The following HTR4 variants were observed in gnomAD, a reference collection of about 807,000 sequenced individuals.
HTR4 encodes the protein 5-hydroxytryptamine (serotonin) receptor 4, G protein-coupled.
In HTR4, 16 loss-of-function variants were observed where a neutral mutation model predicts 36.8. The observed-to-expected ratio is 0.43, with a 90% CI of 0.29 to 0.66. The LOEUF (loss-of-function observed/expected upper bound fraction) is 0.66. Ranked by LOEUF, HTR4 falls within the 30% of genes least tolerant of loss-of-function variation. HTR4 has a pLI of 0.13. For synonymous variants in HTR4, 189 were observed against 185.1 expected (o/e 1.02, Z -0.17); for missense variants, 438 against 490.9 (o/e 0.89, Z 1.02).
chr5:148,457,876 T>A (rs1755143088), intron 5 of HTR4, among the ~76,000 whole-genome samples: 1 of 136,704 alleles, frequency 7.3e-6, no homozygotes, highest in Admixed American at 7.4e-5. Context: ...GATATATCAT[T>A]AAAATATTAA....
intron 6 of HTR4, chr5:148,490,981 A>G (rs898317075): frequency 6.0e-5 from 22 of 363,758 alleles, no homozygotes; most frequent in Non-Finnish European, 9.0e-5. Flanking sequence ...TCTTCTGAAC[A>G]TACTCCGGCT....
intron 2 of HTR4, among the ~76,000 whole-genome samples, chr5:148,588,518 G>A (rs1016547367): frequency 4.8e-5 from 7 of 146,570 alleles, no homozygotes; most frequent in Non-Finnish European, 9.0e-5. Context: ...TTCACAGTAG[G>A]TTTTAATTCT....
intron 2 of HTR4, among the ~76,000 whole-genome samples, 195 bp from the exon 3 acceptor site, chr5:148,550,457 G>C (rs1382100487): frequency 6.6e-6 from 1 of 152,150 alleles, no homozygotes; most frequent in Non-Finnish European, 1.5e-5. Context: ...TCCTACATAA[G>C]AGGAGTATGA....
At chr5:148,491,486 G>T (rs1474200325) in intron 6 of HTR4, among the ~76,000 whole-genome samples, 1 of 152,110 alleles carries the variant, frequency 6.6e-6, no homozygotes, top group Non-Finnish European at 1.5e-5. Flanking sequence ...TTGAAGCAGG[G>T]TTTCTTAACC....
At chr5:148,531,642 A>G (rs1758570417) in intron 4 of HTR4, among the ~76,000 whole-genome samples, 1 of 152,218 alleles carries the variant, frequency 6.6e-6, no homozygotes. Context: ...GGAATTCACC[A>G]GGTCCTACTG....
At chr5:148,644,371 G>A (rs1753814470) in intron 1 of HTR4, among the ~76,000 whole-genome samples, 1 of 120,128 alleles carries the variant, frequency 8.3e-6, no homozygotes, top group Non-Finnish European at 1.7e-5. Flanking sequence ...AAACCCTCCT[G>A]TTATTTCCTA....
intron 6 of HTR4, among the ~76,000 whole-genome samples, chr5:148,500,618 A>G (rs6881498): frequency 0.53 from 80,783 of 151,314 alleles, 23,759 homozygotes; most frequent in African/African-American, 0.8. Flanking sequence ...CTATGACACC[A>G]GATGAATATA....
chr5:148,589,118 TCTA>T (rs1761461437), intron 2 of HTR4, among the ~76,000 whole-genome samples: 1 of 152,162 alleles, frequency 6.6e-6, no homozygotes, highest in African/African-American at 2.4e-5. Flanking sequence ...ATAATTTGCT[TCTA>T]CTATTTTGCT....
intron 4 of HTR4, among the ~76,000 whole-genome samples, chr5:148,530,722 A>T (rs565293355): frequency 3.9e-5 from 6 of 152,322 alleles, no homozygotes; most frequent in Non-Finnish European, 7.4e-5. Context: ...CCAGAGATCC[A>T]CCAACAGCTT....
At position 148,484,572 on chromosome 5, in the gene HTR4, T is replaced by A. The variant is rs146325859; in HGVS notation, c.1077-1279A>T. ...TTCATTCGGACTTGTTAGCAACAAGTTTTTTTTAAGCCCCTGAGATATGAC... is the reference window on the plus strand; with the variant it reads ...TTCATTCGGACTTGTTAGCAACAAGATTTTTTTAAGCCCCTGAGATATGAC... On this transcript the variant is annotated intron_variant, in intron 6 of 6. Transcript: ENST00000377888. 9.9e-5 allele frequency among the ~76,000 whole-genome samples: 15 copies of A among 152,120 alleles called. No homozygotes were observed. The East Asian group carries it at 2.9e-3, about 29-fold the overall frequency.
At chr5:148,585,870 G>A (rs548232373) in intron 2 of HTR4, among the ~76,000 whole-genome samples, 21 of 152,182 alleles carry the variant, frequency 1.4e-4, no homozygotes, top group African/African-American at 4.1e-4. Context: ...TATGCTCCAC[G>A]AAGTATAGTC....
intron 6 of HTR4, among the ~76,000 whole-genome samples, chr5:148,503,706 TAA>T (rs1318852920): frequency 1.3e-5 from 2 of 152,112 alleles, no homozygotes; most frequent in African/African-American, 2.4e-5. Context: ...GCAAATTGGA[TAA>T]AGAGTCAAGA....
chr5:148,652,740 T>C (rs1754077734), intron 1 of HTR4, among the ~76,000 whole-genome samples: 1 of 152,152 alleles, frequency 6.6e-6, no homozygotes, highest in Non-Finnish European at 1.5e-5. Flanking sequence ...GGCTCTCCTC[T>C]ATAATAATAA....
At chr5:148,552,316 TCTAA>T (rs1196393554) in intron 2 of HTR4, among the ~76,000 whole-genome samples, 3 of 152,198 alleles carry the variant, frequency 2.0e-5, no homozygotes, top group African/African-American at 7.2e-5. Context: ...ACACTTAAGT[TCTAA>T]CTATCAACAG....
Position 148,520,417 on chromosome 5 carries a change from C to T in HTR4, c.507+2776G>A, listed in dbSNP as rs1019259938. Among the ~76,000 whole-genome samples, 5 of 152,146 alleles carry T rather than the reference C, an allele frequency of 3.3e-5. No individual in the cohort carries two copies. The South Asian group carries it at 1.0e-3, about 31-fold the overall frequency. On this transcript the variant is annotated intron_variant, in intron 5 of 6. Coordinates refer to ENST00000377888, the MANE Select transcript of HTR4 (RefSeq NM_000870.7). ...AAATTCTACTCAGGAGGTAGAAGTG[C>T]TGATCCCTCATCAGAAGTTCCCAAT...
At chr5:148,562,280 G>A (rs1386244624) in intron 2 of HTR4, among the ~76,000 whole-genome samples, 1 of 152,054 alleles carries the variant, frequency 6.6e-6, no homozygotes, top group Admixed American at 6.6e-5. Flanking sequence ...TTATGAAAAA[G>A]TGTCATGACC....
chr5:148,523,266 C>A lies in HTR4; in HGVS notation c.434G>T (p.Cys145Phe), dbSNP rs1332289076. The A allele has an allele frequency of 2.5e-6, 4 of 1,613,220 alleles. No individual in the cohort carries two copies. Among genetic ancestry groups the A allele is most frequent in the Non-Finnish European group, 8.5e-7 (1 of 1,179,528 alleles). Residue 145 changes from cysteine (C) to phenylalanine (F), a missense_variant, in exon 5 of 7, where the codon TGC becomes TTC. Transcript: ENST00000377888. ...PLRIALMLGG[C>F]WVIPTFISFL... ...AGAAATAAACGTGGGGATGACCCAGCAGCCTCCCAGCATTAATGCGATGCG... is the reference window on the plus strand; with the variant it reads ...AGAAATAAACGTGGGGATGACCCAGAAGCCTCCCAGCATTAATGCGATGCG...
intron 6 of HTR4, among the ~76,000 whole-genome samples, chr5:148,488,950 G>A (rs77286896): frequency 0.024 from 3,647 of 152,212 alleles, 177 homozygotes; most frequent in African/African-American, 0.084. Flanking sequence ...CCCAATATGT[G>A]CATAGAACTA....
At chr5:148,626,349 G>A (rs539405849) in intron 2 of HTR4, among the ~76,000 whole-genome samples, 37 of 152,282 alleles carry the variant, frequency 2.4e-4, no homozygotes, top group African/African-American at 8.2e-4. Flanking sequence ...TAAATTAGTT[G>A]AAACTCTTAA....
Sources: gnomAD v4.1 joint callset for allele counts (sites outside exome capture counted in the v4.1 genomes callset) on GRCh38, gnomAD v4.1.1 for gene constraint, MANE v1.5 for transcripts, NCBI Gene and HGNC (gene_info 2026-07-23, HGNC 2026-07-21) for gene names.